Variants in KIF16B observed in about 807,000 individuals in gnomAD.
KIF16B encodes kinesin family member 16B, also known as kinesin-like protein KIF16B.
Under a neutral mutation model 156.3 loss-of-function variants are expected in KIF16B, and 98 were observed. The observed-to-expected ratio is 0.63, with a 90% CI of 0.53 to 0.74. KIF16B has a LOEUF of 0.74. KIF16B is among the 30% of genes least tolerant of loss of function. The pLI is 0.00. For synonymous variants in KIF16B, 564 were observed against 583.7 expected, an observed-to-expected ratio of 0.97 and a Z score of 0.49; for missense variants, 1,421 against 1,606.5, an observed-to-expected ratio of 0.88 and a Z score of 1.97.
At chr20:16,293,682 T>C (rs574270490) in intron 25 of KIF16B, among the ~76,000 whole-genome samples, 7 of 152,160 alleles carry the variant, frequency 4.6e-5, no homozygotes, top group Non-Finnish European at 8.8e-5. Context: ...TGGCTCAGTC[T>C]GACTAGAACA....
At chr20:16,376,235 T>C (rs146304756) in intron 19 of KIF16B, among the ~76,000 whole-genome samples, 31 of 152,342 alleles carry the variant, frequency 2.0e-4, no homozygotes, top group Middle Eastern at 3.4e-3. Context: ...TTGCCTCTGT[T>C]ATCCCTGCTA....
intron 6 of KIF16B, among the ~76,000 whole-genome samples, chr20:16,508,413 C>G (rs1395496637): frequency 2.0e-5 from 3 of 152,194 alleles, no homozygotes; most frequent in African/African-American, 7.2e-5. Context: ...ACTTTTTCAG[C>G]ACCAGAGATC....
intron 12 of KIF16B, among the ~76,000 whole-genome samples, chr20:16,436,578 G>C (rs111470493): frequency 9.8e-4 from 149 of 152,158 alleles, no homozygotes; most frequent in African/African-American, 3.2e-3. Context: ...GGTACAGTGG[G>C]GGGTATTCTG....
intron 10 of KIF16B, among the ~76,000 whole-genome samples, chr20:16,500,939 A>T (rs1023490575): frequency 6.6e-6 from 1 of 151,990 alleles, no homozygotes; most frequent in African/African-American, 2.4e-5. Context: ...TGTTTGATTT[A>T]CTTGTTGTCT....
chr20:16,277,974 G>A lies in KIF16B; in HGVS notation c.3796-4563C>T, dbSNP rs955128150. On this transcript the variant is annotated intron_variant, in intron 25 of 25. Transcript: ENST00000354981. Reference sequence around the variant, plus strand: ...GCTTTGTCAAATGTCCTGTGTCAGGGCCACTGAGAACAGCAAAAGCACCTC... The same window carrying A: ...GCTTTGTCAAATGTCCTGTGTCAGGACCACTGAGAACAGCAAAAGCACCTC... Among the ~76,000 whole-genome samples, 5 of 152,236 alleles carry A rather than the reference G, an allele frequency of 3.3e-5. No homozygotes were observed. The East Asian group carries it at 5.8e-4, about 18-fold the overall frequency.
chr20:16,523,157 C>G (rs1249852790), intron 3 of KIF16B, among the ~76,000 whole-genome samples: 2 of 152,124 alleles, frequency 1.3e-5, no homozygotes, highest in Admixed American at 1.3e-4. Flanking sequence ...AACTCCTATT[C>G]AACACAGTGT....
intron 1 of KIF16B, among the ~76,000 whole-genome samples, chr20:16,544,607 CAAAAAAAAAA>C (rs11472848): frequency 1.5e-5 from 1 of 64,646 alleles, no homozygotes; most frequent in South Asian, 9.1e-4. Flanking sequence ...AAAGCCATCT[CAAAAAAAAAA>C]AAAAAAAAAA....
At chr20:16,499,115 C>T (rs562124058) in intron 10 of KIF16B, among the ~76,000 whole-genome samples, 25 of 152,202 alleles carry the variant, frequency 1.6e-4, no homozygotes, top group African/African-American at 5.3e-4. Context: ...ACCATTCATA[C>T]GTGAGGGGTC....
At chr20:16,413,988 A>G (rs1375108068) in intron 15 of KIF16B, among the ~76,000 whole-genome samples, 1 of 152,026 alleles carries the variant, frequency 6.6e-6, no homozygotes, top group Non-Finnish European at 1.5e-5. Context: ...AATATCTTAA[A>G]GATATTTATT....
At chr20:16,398,486 C>T (rs1286996573) in intron 17 of KIF16B, among the ~76,000 whole-genome samples, 2 of 152,114 alleles carry the variant, frequency 1.3e-5, no homozygotes, top group African/African-American at 4.8e-5. Flanking sequence ...CAGGGACAGG[C>T]CCACAAGTCT....
At chr20:16,539,995 T>A (rs1055431412) in intron 1 of KIF16B, among the ~76,000 whole-genome samples, 1 of 152,184 alleles carries the variant, frequency 6.6e-6, no homozygotes. Context: ...TTACATACTA[T>A]GAACCAATAT....
At chr20:16,459,083 T>TA (rs1308719689) in intron 12 of KIF16B, among the ~76,000 whole-genome samples, 1 of 152,158 alleles carries the variant, frequency 6.6e-6, no homozygotes, top group African/African-American at 2.4e-5. Context: ...TAATTTTTTT[T>TA]AACAACTGCA....
chr20:16,405,254 A>G (rs1189041873), intron 16 of KIF16B, among the ~76,000 whole-genome samples: 1 of 152,100 alleles, frequency 6.6e-6, no homozygotes, highest in Non-Finnish European at 1.5e-5. Flanking sequence ...TCCTATAATC[A>G]GCGATATTCC....
intron 12 of KIF16B, among the ~76,000 whole-genome samples, chr20:16,474,966 A>T (rs1483329759): frequency 6.6e-6 from 1 of 152,216 alleles, no homozygotes; most frequent in Non-Finnish European, 1.5e-5. Flanking sequence ...ACCAGACAAA[A>T]AGAGTCTTAT....
At chr20:16,331,013 C>T (rs1175251234) in intron 24 of KIF16B, among the ~76,000 whole-genome samples, 1 of 152,180 alleles carries the variant, frequency 6.6e-6, no homozygotes, top group Non-Finnish European at 1.5e-5. Flanking sequence ...GGGGCTTCTC[C>T]AAGCCCTTGT....
In KIF16B at chr20:16,272,480, G is replaced by A. The variant is rs150029505; in HGVS notation, c.*773C>T. ...CTTAAAAATATGCATTTAGCTTTGC[G>A]TTCATTTTGTGCTTAGCAGAAAAAG... On this transcript the variant is annotated 3_prime_UTR_variant, in exon 26 of 26. Coordinates refer to ENST00000354981, the MANE Select transcript of KIF16B (RefSeq NM_024704.5). 3.3e-4 allele frequency: 51 copies of A among 152,648 alleles called. No individual in the cohort carries two copies. Among genetic ancestry groups the A allele is most frequent in the African/African-American group, 1.1e-3 (45 of 41,560 alleles). 9.5% of individuals were successfully genotyped at this position (152,648 alleles called of 1,614,324 possible).
chr20:16,470,624 C>T (rs957072317), intron 12 of KIF16B, among the ~76,000 whole-genome samples: 11 of 151,866 alleles, frequency 7.2e-5, no homozygotes, highest in Non-Finnish European at 1.3e-4. Context: ...GCTGGAACTA[C>T]AGGCATGCAC....
chr20:16,356,273 T>C lies in KIF16B; in HGVS notation c.3621+57A>G, dbSNP rs891022466. The C allele has an allele frequency of 6.4e-5, 103 of 1,605,558 alleles. 1 individual carries two copies. In the African/African-American group the frequency reaches 1.2e-3, roughly 18 times the overall value. On this transcript the variant is annotated intron_variant, in intron 23 of 25. Transcript: ENST00000354981. ...CCCCTTTTGAAAAAATAAAGACAGA[T>C]AAAGCACTGCATAGTCTCCAACCTC...
At chr20:16,426,606 G>A (rs981090113) in intron 15 of KIF16B, among the ~76,000 whole-genome samples, 5 of 152,122 alleles carry the variant, frequency 3.3e-5, no homozygotes, top group African/African-American at 7.2e-5. Context: ...ATTCAAGGAC[G>A]GCAGGGCACT....
Sources: allele counts gnomAD v4.1 joint callset (sites outside exome capture counted in the v4.1 genomes callset), GRCh38; gene constraint gnomAD v4.1.1; transcripts MANE v1.5; gene names NCBI Gene and HGNC (gene_info 2026-07-23, HGNC 2026-07-21).